The following RABGAP1L variants were observed in gnomAD, a reference collection of about 807,000 sequenced individuals.
RABGAP1L encodes rab GTPase-activating protein 1-like.
Under a neutral mutation model 137.7 loss-of-function variants are expected in RABGAP1L, and 63 were observed. That is an observed-to-expected ratio of 0.46 (90% confidence interval 0.37 to 0.56). The LOEUF is 0.56. Among genes scored for constraint, RABGAP1L ranks in the 20% least tolerant of loss-of-function variants. The pLI is 0.00. For missense variants in RABGAP1L, 1,095 were observed against 1,244.0 expected, an observed-to-expected ratio of 0.88 and a Z score of 1.80; for synonymous variants, 431 against 433.7, an observed-to-expected ratio of 0.99 and a Z score of 0.08.
intron 17 of RABGAP1L, among the ~76,000 whole-genome samples, chr1:174,723,427 T>C (rs970296954): frequency 1.3e-5 from 2 of 152,184 alleles, no homozygotes; most frequent in Non-Finnish European, 2.9e-5. Context: ...CTGTGGTGCA[T>C]CCTAATATTA....
At chr1:174,903,663 A>T (rs1449543757) in intron 19 of RABGAP1L, among the ~76,000 whole-genome samples, 1 of 89,666 alleles carries the variant, frequency 1.1e-5, no homozygotes, top group Non-Finnish European at 2.1e-5. Flanking sequence ...GGATAAAAAA[A>T]TTTCATGGCT....
intron 14 of RABGAP1L, among the ~76,000 whole-genome samples, chr1:174,644,745 CCTGGTT>C (rs1674813041): frequency 6.6e-6 from 1 of 151,998 alleles, no homozygotes. Flanking sequence ...GGATTTATCT[CCTGGTT>C]ACTAATTGTT....
chr1:174,738,185 G>A (rs956145904), intron 17 of RABGAP1L, among the ~76,000 whole-genome samples: 1 of 152,152 alleles, frequency 6.6e-6, no homozygotes, highest in African/African-American at 2.4e-5. Context: ...GGCCATCTGA[G>A]AGAAAGAAAT....
chr1:174,747,556 A>G (rs933493493), intron 17 of RABGAP1L, among the ~76,000 whole-genome samples: 2 of 152,022 alleles, frequency 1.3e-5, no homozygotes, highest in Non-Finnish European at 2.9e-5. Context: ...TTTATGGGTA[A>G]TGTCTAGAGC....
chr1:174,746,987 TC>T (rs1683923489), intron 17 of RABGAP1L, among the ~76,000 whole-genome samples: 1 of 152,214 alleles, frequency 6.6e-6, no homozygotes. Flanking sequence ...TTAATAATTC[TC>T]CAAACCTTTG....
intron 19 of RABGAP1L, among the ~76,000 whole-genome samples, chr1:174,866,155 G>C (rs1012884748): frequency 7.2e-6 from 1 of 139,586 alleles, no homozygotes; most frequent in Admixed American, 7.4e-5. Context: ...GAGAGAGAGA[G>C]AGAGAGAGAT....
At chr1:174,574,017 G>T (rs1310286189) in intron 13 of RABGAP1L, among the ~76,000 whole-genome samples, 1 of 152,224 alleles carries the variant, frequency 6.6e-6, no homozygotes, top group African/African-American at 2.4e-5. Context: ...CCAGCCTTCA[G>T]TAGTTGAGAA....
Position 174,957,460 on chromosome 1 carries a change from C to A in RABGAP1L, c.2344C>A (p.Pro782Thr). The change falls in exon 20 of 26, where the codon CCA becomes ACA. Residue 782 changes from proline to threonine, a missense_variant. This residue lies in a region of RABGAP1L where 312 missense variants were observed against 435.6 expected (regional missense o/e 0.72). Coordinates refer to ENST00000681986, the MANE Select transcript of RABGAP1L (RefSeq NM_001366446.1). ...GGTTTTCCTCAAATCCCTGCAGGTA[C>A]CAACCAAGAAGCTGAAGAAATATGA... is the stretch of plus-strand genomic sequence containing the variant. ...LMEQACNIKV[P>T]TKKLKKYEKE... The A allele has an allele frequency of 6.2e-7, 1 of 1,612,380 alleles. No individual in the cohort carries two copies. Among genetic ancestry groups the A allele is most frequent in the Non-Finnish European group, 8.5e-7 (1 of 1,178,592 alleles).
intron 12 of RABGAP1L, among the ~76,000 whole-genome samples, chr1:174,385,465 G>C (rs540199143): frequency 2.0e-5 from 3 of 152,172 alleles, no homozygotes; most frequent in Non-Finnish European, 4.4e-5. Flanking sequence ...GGAAAAGATA[G>C]GGAAGGAAAT....
chr1:174,393,601 A>G (rs1278209563), intron 12 of RABGAP1L, among the ~76,000 whole-genome samples: 1 of 152,250 alleles, frequency 6.6e-6, no homozygotes, highest in East Asian at 1.9e-4. Context: ...CCTGAACCCT[A>G]TTTCCTACCA....
intron 1 of RABGAP1L, among the ~76,000 whole-genome samples, chr1:174,172,692 G>A (rs1004424442): frequency 7.2e-5 from 11 of 152,090 alleles, no homozygotes. Flanking sequence ...TTTTAATTGG[G>A]TTATTTCGTT....
At chr1:174,542,181 C>A (rs1005164998) in intron 13 of RABGAP1L, among the ~76,000 whole-genome samples, 1 of 152,134 alleles carries the variant, frequency 6.6e-6, no homozygotes, top group Admixed American at 6.5e-5. Flanking sequence ...CCAGTTCCTC[C>A]TTGTACCTCT....
chr1:174,303,550 A>C (rs1327581839), intron 10 of RABGAP1L, among the ~76,000 whole-genome samples: 1 of 152,202 alleles, frequency 6.6e-6, no homozygotes, highest in Non-Finnish European at 1.5e-5. Context: ...GCTCCTGTTT[A>C]CATGTTGCTA....
chr1:174,947,806 C>T (rs992291221), intron 19 of RABGAP1L, among the ~76,000 whole-genome samples: 2 of 152,170 alleles, frequency 1.3e-5, no homozygotes, highest in Non-Finnish European at 2.9e-5. Flanking sequence ...TATGGTTTTT[C>T]TCTTCTTTAA....
chr1:174,207,711 G>T (rs112931174), intron 1 of RABGAP1L, among the ~76,000 whole-genome samples: 5 of 152,204 alleles, frequency 3.3e-5, no homozygotes, highest in African/African-American at 1.2e-4. Context: ...AAATAGACTT[G>T]GTCCCTGCCC....
intron 17 of RABGAP1L, chr1:174,705,850 G>T (rs1680001957): frequency 6.6e-6 from 1 of 151,902 alleles, no homozygotes; most frequent in African/African-American, 2.4e-5. Context: ...CTAAGAATTG[G>T]TAAACACAGT....
In RABGAP1L at chr1:174,678,740, G is replaced by A. The variant is rs116559041; in HGVS notation, c.1825-4782G>A. ...ACGGCTTCCAAGAAATGGAATTTTG[G>A]GCCATGTGGTGATTGTTATAGCTCT... On this transcript the variant is annotated intron_variant, in intron 14 of 25. Transcript: ENST00000681986. 2.7e-3 allele frequency among the ~76,000 whole-genome samples: 410 copies of A among 152,212 alleles called. 5 individuals are homozygous for A. The highest frequency in any genetic ancestry group is 9.6e-3 in the African/African-American group (398 of 41,538).
At chr1:174,688,819 A>T (rs1438399423) in intron 15 of RABGAP1L, among the ~76,000 whole-genome samples, 1 of 152,126 alleles carries the variant, frequency 6.6e-6, no homozygotes, top group Non-Finnish European at 1.5e-5. Flanking sequence ...GATTTAGTTT[A>T]AAAAAAGCAA....
chr1:174,853,194 TAAG>T (rs1558151157), intron 19 of RABGAP1L, among the ~76,000 whole-genome samples: 1 of 149,780 alleles, frequency 6.7e-6, no homozygotes, highest in Non-Finnish European at 1.5e-5. Flanking sequence ...CATAATATGA[TAAG>T]AATGCCACTT....
Sources: allele counts gnomAD v4.1 joint callset (sites outside exome capture counted in the v4.1 genomes callset), GRCh38; gene constraint gnomAD v4.1.1; regional missense constraint gnomAD v4.1.1; transcripts MANE v1.5; gene names NCBI Gene and HGNC (gene_info 2026-07-23, HGNC 2026-07-21).